SVOPL: variants seen among roughly 807,000 people sequenced by gnomAD.
SVOPL encodes putative transporter SVOPL.
In SVOPL, 60 loss-of-function variants were observed where a neutral mutation model predicts 61.0. The observed-to-expected ratio is 0.98, with a 90% confidence interval of 0.80 to 1.22. The LOEUF is 1.22. Among genes scored for constraint, SVOPL ranks in the 50% most tolerant of loss-of-function variants. The probability of loss-of-function intolerance (pLI) is 0.00; values close to 1 mark genes in which losing one functional copy is unlikely to be tolerated. For missense variants in SVOPL, 662 were observed against 643.9 expected (o/e 1.03, Z -0.30); for synonymous variants, 279 against 250.0 (o/e 1.12, Z -1.09).
chr7:138,637,602 CTG>C (rs1244950603), intron 9 of SVOPL, among the ~76,000 whole-genome samples: 2 of 151,994 alleles, frequency 1.3e-5, no homozygotes, highest in Non-Finnish European at 2.9e-5. Flanking sequence ...TAAATCTGTA[CTG>C]TGTTTCTTGT....
chr7:138,641,870 T>C (rs1372241583), intron 9 of SVOPL, among the ~76,000 whole-genome samples: 1 of 143,310 alleles, frequency 7.0e-6, no homozygotes, highest in Non-Finnish European at 1.5e-5. Context: ...TCAATGAGTG[T>C]GTATGTATAT....
intron 3 of SVOPL, among the ~76,000 whole-genome samples, chr7:138,672,403 T>C (rs762782271): frequency 5.3e-5 from 8 of 152,120 alleles, no homozygotes; most frequent in Non-Finnish European, 1.2e-4. Context: ...ATGGTAGCAC[T>C]AGGAGGGAGC....
intron 1 of SVOPL, among the ~76,000 whole-genome samples, chr7:138,681,678 C>T (rs965636466): frequency 1.3e-5 from 2 of 152,046 alleles, no homozygotes; most frequent in African/African-American, 2.4e-5. Context: ...GGAAAATTAG[C>T]CAGGCGTGGT....
intron 8 of SVOPL, 138 bp downstream of exon 8, chr7:138,648,874 A>G (rs1801273550): frequency 2.3e-6 from 3 of 1,304,536 alleles, no homozygotes; most frequent in Non-Finnish European, 3.1e-6. Flanking sequence ...GTGAGCCGAG[A>G]TTGCACCTCT....
chr7:138,652,393 T>C (rs1391946709), intron 7 of SVOPL, among the ~76,000 whole-genome samples: 1 of 151,882 alleles, frequency 6.6e-6, no homozygotes, highest in African/African-American at 2.4e-5. Flanking sequence ...CACTGTGTTA[T>C]CTAGGCTGGT....
chr7:138,672,673 A>AG (rs370134942), intron 3 of SVOPL, among the ~76,000 whole-genome samples: 3,021 of 150,560 alleles, frequency 0.02, 159 homozygotes, highest in East Asian at 0.2. Context: ...AAAAAAAAAA[A>AG]AAGAAGCAAT....
rs74420201 is a variant in SVOPL at position 138,698,493 on chromosome 7, A to G, written c.-35+2685T>C. 4.2e-3 allele frequency among the ~76,000 whole-genome samples: 633 copies of G among 152,248 alleles called. 9 individuals carry two copies. The highest frequency in any genetic ancestry group is 0.014 in the African/African-American group (596 of 41,554). On this transcript the variant is annotated intron_variant, in intron 1 of 15. Coordinates refer to ENST00000674285, the MANE Select transcript of SVOPL (RefSeq NM_001139456.2). Reference sequence around the variant, plus strand: ...TCATGATGCAAATTGAAAGACGGAAACTTTGGACCGAATCTGGCCAGCATA... The same window carrying G: ...TCATGATGCAAATTGAAAGACGGAAGCTTTGGACCGAATCTGGCCAGCATA...
chr7:138,601,631 G>A (rs1798530098), intron 14 of SVOPL, among the ~76,000 whole-genome samples: 1 of 151,830 alleles, frequency 6.6e-6, no homozygotes, highest in Non-Finnish European at 1.5e-5. Flanking sequence ...AGATGTAGGG[G>A]AGAAAAAAAG....
chr7:138,640,101 A>G (rs1017277808), intron 9 of SVOPL, among the ~76,000 whole-genome samples: 2 of 152,066 alleles, frequency 1.3e-5, no homozygotes, highest in Non-Finnish European at 2.9e-5. Flanking sequence ...AAGACTAAAA[A>G]TAAAGAGCTG....
intron 4 of SVOPL, among the ~76,000 whole-genome samples, chr7:138,667,867 C>G (rs545631125): frequency 6.6e-6 from 1 of 152,188 alleles, no homozygotes; most frequent in Non-Finnish European, 1.5e-5. Flanking sequence ...TTGGGAGTAA[C>G]TTACTTTATA....
intron 7 of SVOPL, among the ~76,000 whole-genome samples, chr7:138,653,996 G>T (rs575631882): frequency 2.0e-5 from 3 of 151,500 alleles, no homozygotes; most frequent in African/African-American, 4.8e-5. Context: ...AGCTGGGTGT[G>T]GTGGTGCACT....
chr7:138,668,636 G>T (rs1055158098), intron 4 of SVOPL, among the ~76,000 whole-genome samples: 2 of 152,182 alleles, frequency 1.3e-5, no homozygotes, highest in African/African-American at 4.8e-5. Context: ...TCTGAGAGAA[G>T]AACTCCAACC....
intron 1 of SVOPL, among the ~76,000 whole-genome samples, chr7:138,699,268 C>T (rs577376335): frequency 6.4e-4 from 98 of 152,192 alleles, no homozygotes; most frequent in African/African-American, 2.3e-3. Flanking sequence ...TGTGCCATTG[C>T]ACTCCATCCT....
At chr7:138,640,110 T>C (rs1162415041) in intron 9 of SVOPL, among the ~76,000 whole-genome samples, 1 of 151,696 alleles carries the variant, frequency 6.6e-6, no homozygotes, top group Non-Finnish European at 1.5e-5. Flanking sequence ...AATAAAGAGC[T>C]GAAAAAAGAT....
intron 9 of SVOPL, among the ~76,000 whole-genome samples, chr7:138,633,532 G>A (rs909761691): frequency 1.9e-4 from 29 of 152,266 alleles, no homozygotes; most frequent in Admixed American, 1.2e-3. Flanking sequence ...CAGAAGCCAC[G>A]CAGATGCTGG....
At chr7:138,689,339 C>A (rs1373893038) in intron 1 of SVOPL, 25 of 1,591,360 alleles carry the variant, frequency 1.6e-5, no homozygotes, top group Non-Finnish European at 2.1e-5. Flanking sequence ...TCCAAGTGAA[C>A]AAAGCACCTA....
chr7:138,667,743 T>G (rs1010694702), intron 4 of SVOPL, among the ~76,000 whole-genome samples: 1 of 152,224 alleles, frequency 6.6e-6, no homozygotes, highest in East Asian at 1.9e-4. Context: ...TTCTTGAAAC[T>G]GACACTGCAA....
chr7:138,621,178 T>C, intron 13 of SVOPL, 43 bp from the exon 14 acceptor site: 3 of 1,569,050 alleles, frequency 1.9e-6, no homozygotes, highest in East Asian at 4.6e-5. Flanking sequence ...ATAATGTCCG[T>C]CCTTCCCCGA....
chr7:138,641,117 C>G (rs1322629185), intron 9 of SVOPL, among the ~76,000 whole-genome samples: 1 of 151,654 alleles, frequency 6.6e-6, no homozygotes, highest in African/African-American at 2.4e-5. Flanking sequence ...GTAGGAGGAT[C>G]GAGCCTGGAA....
Sources: allele counts gnomAD v4.1 joint callset (sites outside exome capture counted in the v4.1 genomes callset), GRCh38; gene constraint gnomAD v4.1.1; transcripts MANE v1.5; gene names NCBI Gene and HGNC (gene_info 2026-07-23, HGNC 2026-07-21).